Variants in CAMTA1 observed in about 807,000 individuals in gnomAD.
CAMTA1 encodes calmodulin binding transcription activator 1.
A neutral mutation model predicts 170.9 loss-of-function variants in CAMTA1; 27 were observed. The ratio of observed to expected loss-of-function variants is 0.16; its 90% CI spans 0.12 to 0.22. The LOEUF is 0.22. Ranked by LOEUF, CAMTA1 falls within the 10% of genes least tolerant of loss-of-function variation. CAMTA1 has a pLI of 1.00. For synonymous variants in CAMTA1, 833 were observed against 891.5 expected, an observed-to-expected ratio of 0.93 and a Z score of 1.17; for missense variants, 1,619 against 2,217.2, an observed-to-expected ratio of 0.73 and a Z score of 5.42.
chr1:7,284,550 G>A (rs1042658863), intron 5 of CAMTA1, among the ~76,000 whole-genome samples: 14 of 152,172 alleles, frequency 9.2e-5, no homozygotes, highest in African/African-American at 3.1e-4. Context: ...AGACTGTAGT[G>A]AGAAACACAT....
intron 6 of CAMTA1, among the ~76,000 whole-genome samples, chr1:7,603,266 T>C (rs1005956516): frequency 1.9e-4 from 29 of 152,238 alleles, no homozygotes; most frequent in Admixed American, 1.9e-3. Context: ...TTGATCTTTC[T>C]AATGTTGACA....
chr1:7,023,016 A>G (rs1041170596), intron 3 of CAMTA1, among the ~76,000 whole-genome samples: 1 of 152,162 alleles, frequency 6.6e-6, no homozygotes, highest in Non-Finnish European at 1.5e-5. Context: ...GGGAGCTGGA[A>G]CCAAGTTTCT....
chr1:7,306,457 A>G (rs950793419), intron 5 of CAMTA1, among the ~76,000 whole-genome samples: 4 of 151,800 alleles, frequency 2.6e-5, no homozygotes, highest in African/African-American at 9.7e-5. Flanking sequence ...TGTGGAGTTT[A>G]TTTCTATTAT....
intron 3 of CAMTA1, among the ~76,000 whole-genome samples, chr1:6,936,812 C>T (rs1008113589): frequency 6.6e-6 from 1 of 152,050 alleles, no homozygotes; most frequent in Non-Finnish European, 1.5e-5. Context: ...CACGGTGAAA[C>T]CCCATCTCTA....
chr1:7,342,738 A>G (rs1239867262), intron 5 of CAMTA1, among the ~76,000 whole-genome samples: 1 of 152,236 alleles, frequency 6.6e-6, no homozygotes, highest in Non-Finnish European at 1.5e-5. Context: ...CCAGGAGGTC[A>G]TTGGAGAGCT....
rs192648345 is a variant in CAMTA1, at chr1:7,565,296, C to A, written c.511-75104C>A. Among the ~76,000 whole-genome samples, 1 of 152,046 alleles carries A rather than the reference C, an allele frequency of 6.6e-6. No homozygotes were observed. Among genetic ancestry groups the A allele is most frequent in the Non-Finnish European group, 1.5e-5 (1 of 67,982 alleles). On this transcript the variant is annotated intron_variant, in intron 6 of 22. Coordinates refer to ENST00000303635, the MANE Select transcript of CAMTA1 (RefSeq NM_015215.4). The surrounding 1 kb of genome is among the most constrained non-coding windows in gnomAD (Gnocchi z 4.5). ...AAGTGGGCGCTGCCTTTGGGGCCCACGGGCCTATGGGGATGGGAGTGAGGC... is the reference window on the plus strand; with the variant it reads ...AAGTGGGCGCTGCCTTTGGGGCCCAAGGGCCTATGGGGATGGGAGTGAGGC...
chr1:6,899,525 TTATA>T (rs1557787252), intron 3 of CAMTA1, among the ~76,000 whole-genome samples: 1 of 147,166 alleles, frequency 6.8e-6, no homozygotes. Context: ...TGTTAAAAAA[TTATA>T]TGTGTATAAC....
intron 5 of CAMTA1, among the ~76,000 whole-genome samples, chr1:7,339,287 C>G (rs2083617521): frequency 6.6e-6 from 1 of 152,112 alleles, no homozygotes; most frequent in Non-Finnish European, 1.5e-5. Flanking sequence ...GGAATGTGAA[C>G]TCCATCTCAA....
rs1001674302 is a variant in CAMTA1, at chr1:7,248,155, T to A, written c.303-1336T>A. On this transcript the variant is annotated intron_variant, in intron 4 of 22. Transcript: ENST00000303635. The surrounding 1 kb of genome is among the most constrained non-coding windows in gnomAD (Gnocchi z 4.0). ...AGTCACCCTGGTGGGACTGTTTTTT[T>A]CCCCCCAGACAATAGAATATGAAGC... Among the ~76,000 whole-genome samples the A allele has an allele frequency of 6.6e-6, 1 of 152,006 alleles. No homozygotes were observed. The highest frequency in any genetic ancestry group is 1.5e-5 in the Non-Finnish European group (1 of 67,974).
Position 6,918,860 on chromosome 1 carries a change from C to T in CAMTA1, c.234+93650C>T, listed in dbSNP as rs182289638. Among the ~76,000 whole-genome samples the T allele has an allele frequency of 1.3e-5, 2 of 152,296 alleles. No individual in the cohort carries two copies. Among genetic ancestry groups the T allele is most frequent in the Admixed American group, 6.5e-5 (1 of 15,296 alleles). On this transcript the variant is annotated intron_variant, in intron 3 of 22. Transcript: ENST00000303635. The surrounding 1 kb of genome is among the most constrained non-coding windows in gnomAD (Gnocchi z 4.0). ...GCAGAGAAGAAAGGAGGGTCTGAAT[C>T]GGGCCCAGCAGAACTAGCCGCTCTC...
At chr1:6,893,100 T>C (rs1431112333) in intron 3 of CAMTA1, among the ~76,000 whole-genome samples, 1 of 151,680 alleles carries the variant, frequency 6.6e-6, no homozygotes, top group Non-Finnish European at 1.5e-5. Flanking sequence ...GCCAACATGG[T>C]GAAGCCCTCA....
intron 4 of CAMTA1, among the ~76,000 whole-genome samples, chr1:7,223,451 A>G (rs561846411): frequency 1.3e-5 from 2 of 152,044 alleles, no homozygotes; most frequent in Admixed American, 1.3e-4. Flanking sequence ...AGAAATGGAT[A>G]CTAGGGTCAC....
At chr1:6,902,991 A>G (rs543528686) in intron 3 of CAMTA1, among the ~76,000 whole-genome samples, 6 of 152,370 alleles carry the variant, frequency 3.9e-5, no homozygotes, top group Non-Finnish European at 8.8e-5. Context: ...ATGAAAATAT[A>G]TGTTCCCAAA....
chr1:7,697,708 A>G, intron 11 of CAMTA1, among the ~76,000 whole-genome samples: 1 of 152,166 alleles, frequency 6.6e-6, no homozygotes, highest in East Asian at 1.9e-4. Context: ...TCTTTTCTGC[A>G]TTATGTCCAT....
At chr1:7,115,536 CG>C (rs1283723416) in intron 4 of CAMTA1, among the ~76,000 whole-genome samples, 1 of 118,670 alleles carries the variant, frequency 8.4e-6, no homozygotes, top group Non-Finnish European at 1.7e-5. Flanking sequence ...AGTGTGAGTC[CG>C]AAAAATCTAA....
chr1:7,024,460 G>A (rs1483550242), intron 3 of CAMTA1, among the ~76,000 whole-genome samples: 2 of 152,222 alleles, frequency 1.3e-5, no homozygotes, highest in Non-Finnish European at 2.9e-5. Context: ...CCTGCTGTCT[G>A]TATTTTAGTA....
chr1:7,413,682 T>C (rs2090958446), intron 5 of CAMTA1, among the ~76,000 whole-genome samples: 1 of 152,200 alleles, frequency 6.6e-6, no homozygotes, highest in African/African-American at 2.4e-5. Context: ...TTTCTAGATA[T>C]ACAATCATGT....
At chr1:7,108,270 G>A (rs1029273937) in intron 4 of CAMTA1, among the ~76,000 whole-genome samples, 4 of 152,140 alleles carry the variant, frequency 2.6e-5, no homozygotes, top group Non-Finnish European at 5.9e-5. Context: ...CCTTCTCACC[G>A]TGCCTCAGTT....
At chr1:7,433,969 G>T (rs1484578092) in intron 5 of CAMTA1, among the ~76,000 whole-genome samples, 1 of 152,088 alleles carries the variant, frequency 6.6e-6, no homozygotes, top group Non-Finnish European at 1.5e-5. Flanking sequence ...CCTGGTGGAC[G>T]GGGAAGCATT....
Sources: allele counts gnomAD v4.1 joint callset (sites outside exome capture counted in the v4.1 genomes callset), GRCh38; gene constraint gnomAD v4.1.1; non-coding constraint Gnocchi (gnomAD v3.1); transcripts MANE v1.5; gene names NCBI Gene and HGNC (gene_info 2026-07-23, HGNC 2026-07-21).